Variants in TMEM131 observed in about 807,000 individuals in gnomAD.
TMEM131 encodes the protein transmembrane protein 131.
Under a neutral mutation model 211.6 loss-of-function variants are expected in TMEM131, and 66 were observed. The ratio of observed to expected loss-of-function variants is 0.31; its 90% CI spans 0.26 to 0.38. TMEM131 has a LOEUF of 0.38. Among genes scored for constraint, TMEM131 ranks in the 10% least tolerant of loss-of-function variants. TMEM131 has a pLI of 1.00. For missense variants in TMEM131, 2,036 were observed against 2,299.3 expected (o/e 0.89, Z 2.34); for synonymous variants, 844 against 841.3 (o/e 1.00, Z -0.06).
intron 1 of TMEM131, among the ~76,000 whole-genome samples, chr2:97,978,428 C>T (rs1179540813): frequency 1.3e-5 from 2 of 152,140 alleles, no homozygotes; most frequent in Non-Finnish European, 2.9e-5. Context: ...TTCAGGATGC[C>T]AGCCACTCTG....
chr2:97,858,046 C>T (rs986782362), intron 5 of TMEM131, among the ~76,000 whole-genome samples: 6 of 152,138 alleles, frequency 3.9e-5, no homozygotes, highest in African/African-American at 1.4e-4. Context: ...TTATAAAATA[C>T]CTTTAAATGA....
rs991459308 is a variant in TMEM131, at chr2:97,908,647, A to C, written c.290+11T>G. 5.0e-6 allele frequency: 8 copies of C among 1,592,544 alleles called. No homozygotes were observed. The highest frequency in any genetic ancestry group is 1.7e-5 in the Admixed American group (1 of 59,560). ...CGAAAGTATGTTAATTATCTTATTA[A>C]ATATACTTACCTTTTCTGCTGATAT... On this transcript the variant is annotated intron_variant, in intron 3 of 40. Transcript: ENST00000186436.
intron 19 of TMEM131, among the ~76,000 whole-genome samples, chr2:97,808,045 A>C (rs917825890): frequency 6.6e-6 from 1 of 152,134 alleles, no homozygotes; most frequent in East Asian, 1.9e-4. Flanking sequence ...GAATATTTAC[A>C]TATATATAAT....
intron 3 of TMEM131, among the ~76,000 whole-genome samples, chr2:97,895,608 T>C (rs1229963845): frequency 2.6e-5 from 4 of 152,194 alleles, no homozygotes; most frequent in East Asian, 3.8e-4. Flanking sequence ...AGGGTGTATG[T>C]GTCCAAGAAT....
intron 19 of TMEM131, 23 bp from the exon 20 acceptor site, chr2:97,805,726 AAACTCATTTGT>A (rs1465132587): frequency 6.4e-7 from 1 of 1,571,872 alleles, no homozygotes; most frequent in Non-Finnish European, 8.6e-7. Flanking sequence ...AGCAAAGAAC[AAACTCATTTGT>A]ATATGGTTAA....
intron 1 of TMEM131, among the ~76,000 whole-genome samples, chr2:97,968,973 C>T (rs1387213624): frequency 6.6e-6 from 1 of 151,390 alleles, no homozygotes; most frequent in Non-Finnish European, 1.5e-5. Context: ...GTCTTAGCTA[C>T]TTGGGAGGCT....
In TMEM131 at chr2:97,814,382, C is replaced by A; in HGVS notation, c.1299G>T (p.Leu433Phe). The change falls in exon 14 of 41, where the codon TTG becomes TTT. Residue 433 changes from leucine (L) to phenylalanine (F), a missense_variant. Leu to Phe is a conservative substitution (Grantham distance 22, BLOSUM62 0). Coordinates refer to ENST00000186436, the MANE Select transcript of TMEM131 (RefSeq NM_015348.2). ...ATAATGTTGCAGCATGATCAAATCC[C>A]AAATAACTATTAAAAAAAACAACAA... Reference protein sequence around the residue: ...PYQAEVLDGYLGFDHAATLFH... With the variant: ...PYQAEVLDGYFGFDHAATLFH... 1.3e-6 allele frequency: 2 copies of A among 1,586,248 alleles called. No individual in the cohort carries two copies. The highest frequency in any genetic ancestry group is 1.2e-5 in the South Asian group (1 of 85,582).
intron 1 of TMEM131, among the ~76,000 whole-genome samples, chr2:97,981,550 G>GT (rs1009452660): frequency 2.0e-5 from 3 of 152,070 alleles, no homozygotes; most frequent in African/African-American, 7.2e-5. Context: ...TCTCATTTAG[G>GT]TTTTTTCCCC....
chr2:97,863,750 A>G (rs916845456), intron 4 of TMEM131, among the ~76,000 whole-genome samples: 19 of 152,346 alleles, frequency 1.2e-4, no homozygotes, highest in Middle Eastern at 3.4e-3. Flanking sequence ...AATACTGGCA[A>G]GGATATGGAG....
chr2:97,842,874 G>C (rs995620630), intron 6 of TMEM131, among the ~76,000 whole-genome samples: 10 of 152,108 alleles, frequency 6.6e-5, no homozygotes, highest in African/African-American at 2.4e-4. Context: ...AAATGGGTAA[G>C]ATCTGTCTAG....
At chr2:97,992,781 T>C (rs996345616) in intron 1 of TMEM131, among the ~76,000 whole-genome samples, 3 of 152,186 alleles carry the variant, frequency 2.0e-5, no homozygotes, top group African/African-American at 4.8e-5. Flanking sequence ...TCACACACAT[T>C]TTTGCTATTC....
chr2:97,784,981 A>G (rs960150526), intron 31 of TMEM131, among the ~76,000 whole-genome samples: 17 of 152,212 alleles, frequency 1.1e-4, no homozygotes, highest in African/African-American at 3.6e-4. Flanking sequence ...GGAATACTAT[A>G]AACAACTCTA....
At chr2:97,796,521 A>G in intron 27 of TMEM131, 117 bp from the exon 28 acceptor site, 2 of 701,816 alleles carry the variant, frequency 2.8e-6, no homozygotes, top group Non-Finnish European at 2.3e-6. Flanking sequence ...CCATCCCTGC[A>G]TGTCAGAGAG....
At chr2:97,873,610 G>A (rs537329527) in intron 4 of TMEM131, among the ~76,000 whole-genome samples, 13 of 152,338 alleles carry the variant, frequency 8.5e-5, no homozygotes, top group Admixed American at 3.9e-4. Context: ...GGCAAACAGC[G>A]TCGGGAGTGG....
In TMEM131 at chr2:97,809,540, T is replaced by C. The variant is rs534413058; in HGVS notation, c.2055+148A>G. ...TTTTGAGGAAAAGGACTGTATCTCT[T>C]TACATCTTCTAAAGAACCTGGTATA... On this transcript the variant is annotated intron_variant, in intron 19 of 40. Coordinates refer to ENST00000186436, the MANE Select transcript of TMEM131 (RefSeq NM_015348.2). 24 of 625,012 alleles carry C rather than the reference T, an allele frequency of 3.8e-5. No individual in the cohort carries two copies. The East Asian group carries it at 5.6e-4, about 15-fold the overall frequency. 38.7% of individuals were successfully genotyped at this position (625,012 alleles called of 1,614,324 possible).
chr2:97,932,420 C>T lies in TMEM131; in HGVS notation c.188-4933G>A, dbSNP rs545639947. On this transcript the variant is annotated intron_variant, in intron 1 of 40. Coordinates refer to ENST00000186436, the MANE Select transcript of TMEM131 (RefSeq NM_015348.2). ...GAAGTACAAGGGAACTCATATAAAC[C>T]ATATTTTAATTTTATCAAGACCACT... 2.6e-5 allele frequency among the ~76,000 whole-genome samples: 4 copies of T among 152,194 alleles called. No individual in the cohort carries two copies. In the East Asian group the frequency reaches 7.7e-4, roughly 29 times the overall value.
chr2:97,906,052 T>C (rs560215724), intron 3 of TMEM131, among the ~76,000 whole-genome samples: 1 of 152,326 alleles, frequency 6.6e-6, no homozygotes, highest in South Asian at 2.1e-4. Flanking sequence ...ACGGATGCTG[T>C]AAGCCTCTCA....
chr2:97,777,901 A>G (rs1679814031), intron 31 of TMEM131, among the ~76,000 whole-genome samples: 1 of 152,212 alleles, frequency 6.6e-6, no homozygotes, highest in African/African-American at 2.4e-5. Context: ...GAAGAGCCAG[A>G]GCTTCTCCCC....
rs1680603174 is a variant in TMEM131 at position 97,793,552 on chromosome 2, C to T, written c.3388G>A (p.Ala1130Thr). 1.2e-6 allele frequency: 2 copies of T among 1,606,324 alleles called. No individual in the cohort carries two copies. The highest frequency in any genetic ancestry group is 4.5e-5 in the East Asian group (2 of 44,762). ...LYIIISGIMSALFLLVIGTAY... is the reference protein window; with the variant it reads ...LYIIISGIMSTLFLLVIGTAY... ...GTTCCAATGACCAAAAGAAACAGTG[C>T]ACTGCAGGGGTAAAAAAAATTGGAA... is the stretch of plus-strand genomic sequence containing the variant. Residue 1130 changes from alanine to threonine, a missense_variant and splice_region_variant, in exon 30 of 41, where the codon GCA (alanine) becomes ACA (threonine). Ala to Thr is a moderately conservative substitution (Grantham distance 58). Transcript: ENST00000186436.
Sources: gnomAD v4.1 joint callset for allele counts (sites outside exome capture counted in the v4.1 genomes callset) on GRCh38, gnomAD v4.1.1 for gene constraint, MANE v1.5 for transcripts, NCBI Gene and HGNC (gene_info 2026-07-23, HGNC 2026-07-21) for gene names.